Variants in MAPK10 observed in about 807,000 individuals in gnomAD.
The protein encoded by MAPK10 is JNK3 alpha protein kinase.
Under a neutral mutation model 59.3 loss-of-function variants are expected in MAPK10, and 25 were observed. The ratio of observed to expected loss-of-function variants is 0.42; its 90% CI spans 0.31 to 0.59. MAPK10 has a LOEUF of 0.59. Ranked by LOEUF, MAPK10 falls within the 20% of genes least tolerant of loss-of-function variation. The probability of loss-of-function intolerance (pLI) is 0.15; values close to 1 mark genes in which losing one functional copy is unlikely to be tolerated. For synonymous variants in MAPK10, 190 were observed against 200.5 expected (o/e 0.95, Z 0.44); for missense variants, 351 against 568.9 (o/e 0.62, Z 3.90).
chr4:86,251,302 T>C (rs966855556), intron 2 of MAPK10, among the ~76,000 whole-genome samples: 1 of 152,120 alleles, frequency 6.6e-6, no homozygotes, highest in Non-Finnish European at 1.5e-5. Flanking sequence ...ATTAGGTATA[T>C]CTACCAATGC....
In MAPK10 at chr4:86,300,258, G is replaced by A. The variant is rs2095444132; in HGVS notation, c.-7+54272C>T. Among the ~76,000 whole-genome samples, 4 of 152,254 alleles carry A rather than the reference G, an allele frequency of 2.6e-5. No homozygotes were observed. In the South Asian group the frequency reaches 6.2e-4, roughly 24 times the overall value. ...TATATTTGTAAAGAGTTTTAAAAGT[G>A]AAATGCTTCCCGCCCTTCTTTGTCA... On this transcript the variant is annotated intron_variant, in intron 2 of 13. Transcript: ENST00000641462.
intron 2 of MAPK10, among the ~76,000 whole-genome samples, chr4:86,316,369 G>A (rs2095788654): frequency 6.6e-6 from 1 of 151,976 alleles, no homozygotes; most frequent in Non-Finnish European, 1.5e-5. Context: ...TTTTCTTAAG[G>A]AAAGAAGAGA....
chr4:86,132,560 A>T (rs2061201165), intron 4 of MAPK10, among the ~76,000 whole-genome samples: 2 of 152,190 alleles, frequency 1.3e-5, no homozygotes, highest in African/African-American at 4.8e-5. Context: ...TTTAACTTAT[A>T]AATAATATAA....
rs1215813470 is a variant in MAPK10, at chr4:86,359,797, T to C, written c.-261A>G. On this transcript the variant is annotated 5_prime_UTR_variant, in exon 1 of 14. Coordinates refer to ENST00000641462, the MANE Select transcript of MAPK10 (RefSeq NM_138982.4). ...TATGGAGATTGTTTAAAATTAACGA[T>C]GGACAGGTGATTTCCAAGAAAACCC... 3.4e-5 allele frequency: 34 copies of C among 985,632 alleles called. No individual in the cohort carries two copies. Among genetic ancestry groups the C allele is most frequent in the Non-Finnish European group, 4.1e-5 (34 of 829,894 alleles). 61.1% of individuals were successfully genotyped at this position (985,632 alleles called of 1,614,324 possible).
At position 86,588,784 on chromosome 4, in the gene MAPK10, A is replaced by G. The variant is rs1762812137; in HGVS notation, c.-263+5126T>C. Reference sequence around the variant, plus strand: ...AGAAACTTTTTATTATATTTTATGTAGTAAAATGTACAAATTATTTTAAGT... The same window carrying G: ...AGAAACTTTTTATTATATTTTATGTGGTAAAATGTACAAATTATTTTAAGT... On this transcript the variant is annotated intron_variant, in intron 1 of 4. Coordinates refer to the MAPK10 transcript ENST00000502302. Among the ~76,000 whole-genome samples the G allele has an allele frequency of 3.9e-5, 6 of 152,228 alleles. No individual in the cohort carries two copies. The South Asian group carries it at 1.2e-3, about 31-fold the overall frequency.
At position 86,014,552 on chromosome 4, in the gene MAPK10, T is replaced by C. The variant is rs1578525756; in HGVS notation, c.*2676A>G. On this transcript the variant is annotated 3_prime_UTR_variant, in exon 14 of 14. Transcript: ENST00000641462. ...GCAAAAATTCTGGGGGCCAAATCCTTACCTCTATTTGTAAATGATACTTAT... is the reference window on the plus strand; with the variant it reads ...GCAAAAATTCTGGGGGCCAAATCCTCACCTCTATTTGTAAATGATACTTAT... 6.6e-6 allele frequency: 1 copy of C among 152,232 alleles called. No individual in the cohort carries two copies. The highest frequency in any genetic ancestry group is 6.5e-5 in the Admixed American group (1 of 15,290). 9.4% of individuals were successfully genotyped at this position (152,232 alleles called of 1,614,324 possible).
chr4:86,213,732 T>C (rs1168301301), intron 2 of MAPK10, among the ~76,000 whole-genome samples: 1 of 152,054 alleles, frequency 6.6e-6, no homozygotes, highest in Non-Finnish European at 1.5e-5. Flanking sequence ...AAAAACATTC[T>C]GACAAAGAAA....
At chr4:86,570,053 C>G (rs1761343083) in intron 1 of MAPK10, among the ~76,000 whole-genome samples, 1 of 152,048 alleles carries the variant, frequency 6.6e-6, no homozygotes, top group Non-Finnish European at 1.5e-5. Context: ...TCTGAGATAA[C>G]CAAGACTCAA....
At chr4:86,128,109 T>C (rs557152136) in intron 4 of MAPK10, among the ~76,000 whole-genome samples, 26 of 152,222 alleles carry the variant, frequency 1.7e-4, no homozygotes, top group African/African-American at 6.0e-4. Context: ...CCAATAGTCC[T>C]ATAAGATAGG....
chr4:86,467,066 C>A (rs753046872), intron 1 of MAPK10, among the ~76,000 whole-genome samples: 1 of 152,208 alleles, frequency 6.6e-6, no homozygotes, highest in Non-Finnish European at 1.5e-5. Context: ...ATGTCAGTTG[C>A]AGCAAACTCT....
chr4:86,169,349 C>T (rs2073189403), intron 3 of MAPK10, among the ~76,000 whole-genome samples: 1 of 151,964 alleles, frequency 6.6e-6, no homozygotes, highest in Non-Finnish European at 1.5e-5. Flanking sequence ...CTAGAATAAC[C>T]AATACAGAGA....
At chr4:86,105,289 A>G (rs2056334672) in intron 5 of MAPK10, among the ~76,000 whole-genome samples, 1 of 152,088 alleles carries the variant, frequency 6.6e-6, no homozygotes, top group Non-Finnish European at 1.5e-5. Flanking sequence ...TTGTAAGTGA[A>G]TTTCCTCTTC....
chr4:86,192,190 G>A (rs777144376), intron 3 of MAPK10: 10 of 152,156 alleles, frequency 6.6e-5, no homozygotes, highest in Admixed American at 1.3e-4. Flanking sequence ...CTTTCTCTCT[G>A]GCTGCCCTTA....
chr4:86,203,951 C>T (rs2083229974), intron 2 of MAPK10, among the ~76,000 whole-genome samples: 2 of 151,756 alleles, frequency 1.3e-5, no homozygotes, highest in African/African-American at 4.8e-5. Context: ...TCACTTAGAG[C>T]ACGAGGCAGC....
At chr4:86,548,051 C>T (rs933490293) in intron 1 of MAPK10, among the ~76,000 whole-genome samples, 1 of 152,186 alleles carries the variant, frequency 6.6e-6, no homozygotes, top group Non-Finnish European at 1.5e-5. Flanking sequence ...TCCCCTTCCA[C>T]ACTGTGGAAT....
chr4:86,156,438 T>C (rs542069416), intron 4 of MAPK10, among the ~76,000 whole-genome samples: 9 of 152,200 alleles, frequency 5.9e-5, no homozygotes, highest in Middle Eastern at 3.4e-3. Context: ...CAAAATTGAA[T>C]TGTGACCACT....
At chr4:86,224,996 T>G (rs1464646361) in intron 2 of MAPK10, among the ~76,000 whole-genome samples, 1 of 152,194 alleles carries the variant, frequency 6.6e-6, no homozygotes, top group Admixed American at 6.5e-5. Flanking sequence ...AAGTTAACTG[T>G]TCTCAATTAG....
At chr4:86,497,742 T>G (rs1307963604) in intron 1 of MAPK10, among the ~76,000 whole-genome samples, 1 of 151,998 alleles carries the variant, frequency 6.6e-6, no homozygotes, top group Non-Finnish European at 1.5e-5. Flanking sequence ...CAATTTCGAG[T>G]GTACCAAGCA....
intron 2 of MAPK10, among the ~76,000 whole-genome samples, chr4:86,196,698 A>G (rs1280364190): frequency 6.6e-6 from 1 of 152,126 alleles, no homozygotes; most frequent in Non-Finnish European, 1.5e-5. Context: ...TTCAGGTCTC[A>G]TGTTTAAGTC....
Sources: allele counts gnomAD v4.1 joint callset (sites outside exome capture counted in the v4.1 genomes callset), GRCh38; gene constraint gnomAD v4.1.1; transcripts MANE v1.5; gene names NCBI Gene and HGNC (gene_info 2026-07-23, HGNC 2026-07-21).